PARP8: variants seen among roughly 807,000 people sequenced by gnomAD.
PARP8 encodes protein mono-ADP-ribosyltransferase PARP8.
Under a neutral mutation model 124.1 loss-of-function variants are expected in PARP8, and 51 were observed. The ratio of observed to expected loss-of-function variants is 0.41; its 90% CI spans 0.33 to 0.52. The LOEUF (loss-of-function observed/expected upper bound fraction) is 0.52. Ranked by LOEUF, PARP8 falls within the 20% of genes least tolerant of loss-of-function variation. PARP8 has a pLI of 0.21. For missense variants in PARP8, 860 were observed against 1,018.9 expected, an observed-to-expected ratio of 0.84 and a Z score of 2.12; for synonymous variants, 391 against 361.5, an observed-to-expected ratio of 1.08 and a Z score of -0.93.
intron 21 of PARP8, among the ~76,000 whole-genome samples, chr5:50,828,900 G>GA (rs895061903): frequency 6.7e-5 from 10 of 148,392 alleles, no homozygotes; most frequent in African/African-American, 2.0e-4. Flanking sequence ...AACAAAAAAA[G>GA]AAAAAAAAAG....
chr5:50,794,466 A>C, intron 11 of PARP8, 134 bp downstream of exon 11: 1 of 960,832 alleles, frequency 1.0e-6, no homozygotes, highest in Non-Finnish European at 1.5e-6. Context: ...ACTGAGTTAG[A>C]TGCATTCCAT....
At chr5:50,744,809 C>G (rs1410491911) in intron 2 of PARP8, 1 of 690,636 alleles carries the variant, frequency 1.4e-6, no homozygotes, top group African/African-American at 1.8e-5. Context: ...AGAACTTGCT[C>G]TAGATTTTGC....
rs1287560725 is a variant in PARP8, at chr5:50,690,842, C to A, written c.146+22717C>A. On this transcript the variant is annotated intron_variant, in intron 2 of 25. Coordinates refer to ENST00000281631, the MANE Select transcript of PARP8 (RefSeq NM_024615.4). ...TTAAATAGTGGGAAACAAACACTCT[C>A]TTTCTTTGTTCAGTTCTCTCCCTAT... Among the ~76,000 whole-genome samples, 9 of 152,292 alleles carry A rather than the reference C, an allele frequency of 5.9e-5. 1 individual carries two copies. Among genetic ancestry groups the A allele is most frequent in the Middle Eastern group, 6.8e-3 (2 of 294 alleles).
In PARP8 at chr5:50,666,897, ACCTCCCCCTCCTCCTCCT is replaced by A. The variant is rs1386994654; in HGVS notation, c.-176_-159del. On this transcript the variant is annotated 5_prime_UTR_variant, in exon 1 of 26. Transcript: ENST00000281631. ...GGTCACATCTGGGAATGCAAAGCCGACCTCCCCCTCCTCCTCCTCCTCCCCCTCCTCCTCCTCCTCTTC... is the reference window on the plus strand; with the variant it reads ...GGTCACATCTGGGAATGCAAAGCCGACCTCCCCCTCCTCCTCCTCCTCTTC... 33 of 1,264,362 alleles carry A rather than the reference ACCTCCCCCTCCTCCTCCT, an allele frequency of 2.6e-5. 1 individual carries two copies. Among genetic ancestry groups the A allele is most frequent in the East Asian group, 1.6e-4 (5 of 30,678 alleles). 78.3% of individuals were successfully genotyped at this position (1,264,362 alleles called of 1,614,324 possible).
At chr5:50,688,619 A>T (rs1217992248) in intron 2 of PARP8, among the ~76,000 whole-genome samples, 3 of 152,228 alleles carry the variant, frequency 2.0e-5, no homozygotes, top group Admixed American at 2.0e-4. Context: ...CTTAAAATAT[A>T]TACTAATTTG....
intron 2 of PARP8, among the ~76,000 whole-genome samples, chr5:50,697,535 G>T (rs1164748890): frequency 1.3e-5 from 2 of 152,180 alleles, no homozygotes; most frequent in African/African-American, 4.8e-5. Flanking sequence ...TTTCAGACAA[G>T]ATCTTGCTCT....
At chr5:50,755,707 A>G (rs555502181) in intron 3 of PARP8, among the ~76,000 whole-genome samples, 1 of 152,210 alleles carries the variant, frequency 6.6e-6, no homozygotes, top group African/African-American at 2.4e-5. Flanking sequence ...GTTTTTTCCA[A>G]TTCTGTGAAG....
At chr5:50,695,781 A>G (rs781200419) in intron 2 of PARP8, among the ~76,000 whole-genome samples, 23 of 152,216 alleles carry the variant, frequency 1.5e-4, no homozygotes, top group Non-Finnish European at 2.9e-4. Flanking sequence ...TTGGATATGC[A>G]AAATTCAAGC....
At chr5:50,688,357 G>A (rs1752104401) in intron 2 of PARP8, among the ~76,000 whole-genome samples, 1 of 152,178 alleles carries the variant, frequency 6.6e-6, no homozygotes. Flanking sequence ...TCAGACTTCA[G>A]TAACTGCTGT....
chr5:50,825,000 A>G (rs1211663976), intron 18 of PARP8, 25 bp downstream of exon 18: 11 of 1,557,826 alleles, frequency 7.1e-6, no homozygotes, highest in Admixed American at 1.7e-5. Flanking sequence ...TTTTCCTCTT[A>G]ATGAAAACAG....
intron 7 of PARP8, among the ~76,000 whole-genome samples, chr5:50,773,017 A>AGATTATTTG (rs1424602422): frequency 6.6e-6 from 1 of 152,134 alleles, no homozygotes; most frequent in Non-Finnish European, 1.5e-5. Flanking sequence ...TTTTAAAGTC[A>AGATTATTTG]GATTATTTGT....
intron 15 of PARP8, among the ~76,000 whole-genome samples, chr5:50,816,112 A>C (rs1308389129): frequency 6.6e-6 from 1 of 152,218 alleles, no homozygotes; most frequent in African/African-American, 2.4e-5. Flanking sequence ...CACATACAGA[A>C]ACATATATGC....
Position 50,731,326 on chromosome 5 carries a change from A to G in PARP8, c.147-18825A>G, listed in dbSNP as rs550972667. Among the ~76,000 whole-genome samples, 14 of 152,176 alleles carry G rather than the reference A, an allele frequency of 9.2e-5. No individual in the cohort carries two copies. The South Asian group carries it at 1.0e-3, about 11-fold the overall frequency. On this transcript the variant is annotated intron_variant, in intron 2 of 25. Transcript: ENST00000281631. ...TCTCAATTTTGAATTTCTTTTTTCA[A>G]TTGAGTTCTCTTTTGCTCTTCTGTC...
intron 8 of PARP8, 89 bp from the exon 9 acceptor site, chr5:50,778,471 C>A (rs1740284999): frequency 1.1e-5 from 12 of 1,141,854 alleles, no homozygotes; most frequent in South Asian, 1.5e-5. Context: ...ATGCATTTTG[C>A]GAACACAAGT....
Position 50,666,718 on chromosome 5 carries a change from C to T in PARP8, c.-378C>T. ...TCGCCCCTCGCCGGCGCCCGCCGCC[C>T]AGCCGGTGATTGCTCTCTGGCTGTC... On this transcript the variant is annotated 5_prime_UTR_variant, in exon 1 of 26. Coordinates refer to ENST00000281631, the MANE Select transcript of PARP8 (RefSeq NM_024615.4). 1 of 311,242 alleles carries T rather than the reference C, an allele frequency of 3.2e-6. No individual in the cohort carries two copies. Among genetic ancestry groups the T allele is most frequent in the Non-Finnish European group, 4.8e-6 (1 of 207,102 alleles). 19.3% of individuals were successfully genotyped at this position (311,242 alleles called of 1,614,324 possible).
intron 2 of PARP8, among the ~76,000 whole-genome samples, chr5:50,707,760 A>G (rs1452631749): frequency 1.3e-5 from 2 of 152,082 alleles, no homozygotes; most frequent in Non-Finnish European, 2.9e-5. Flanking sequence ...TATTTCTTCA[A>G]GTAAGCACAT....
chr5:50,741,340 GAA>G (rs1383502413), intron 2 of PARP8, among the ~76,000 whole-genome samples: 1 of 152,114 alleles, frequency 6.6e-6, no homozygotes, highest in African/African-American at 2.4e-5. Flanking sequence ...CATGAGTAAA[GAA>G]AAAGAGAGAA....
At chr5:50,795,539 A>T (rs997270093) in intron 12 of PARP8, 122 bp downstream of exon 12, 69 of 809,330 alleles carry the variant, frequency 8.5e-5, no homozygotes, top group East Asian at 4.3e-4. Context: ...CTGTTTTTTT[A>T]AAATCTTTTT....
chr5:50,714,747 A>T (rs1463676125), intron 2 of PARP8, among the ~76,000 whole-genome samples: 2 of 152,048 alleles, frequency 1.3e-5, no homozygotes, highest in Admixed American at 1.3e-4. Flanking sequence ...TTCCAACTCT[A>T]TGTGCAGCCT....
Sources: gnomAD v4.1 joint callset for allele counts (sites outside exome capture counted in the v4.1 genomes callset) on GRCh38, gnomAD v4.1.1 for gene constraint, MANE v1.5 for transcripts, NCBI Gene and HGNC (gene_info 2026-07-23, HGNC 2026-07-21) for gene names.